The following FRMPD3 variants were observed in gnomAD, a reference collection of about 807,000 sequenced individuals.
The protein encoded by FRMPD3 is FERM and PDZ domain-containing protein 3.
FRMPD3 carries 42 observed loss-of-function variants against 97.9 expected under a neutral mutation model. The observed-to-expected ratio is 0.43, with a 90% CI of 0.34 to 0.55. The LOEUF is 0.55. Ranked by LOEUF, FRMPD3 falls within the 20% of genes least tolerant of loss-of-function variation. The pLI is 0.03. For missense variants in FRMPD3, 1,303 were observed against 1,457.7 expected, an observed-to-expected ratio of 0.89 and a Z score of 1.73; for synonymous variants, 577 against 581.1, an observed-to-expected ratio of 0.99 and a Z score of 0.10.
chrX:107,533,501 G>A lies in FRMPD3; in HGVS notation c.252-4G>A, dbSNP rs1414647993. The A allele has an allele frequency of 1.7e-6, 2 of 1,206,280 alleles. No individual in the cohort carries two copies. Among genetic ancestry groups the A allele is most frequent in the East Asian group, 3.0e-5 (1 of 33,808 alleles). On this transcript the variant is annotated splice_region_variant and splice_polypyrimidine_tract_variant and intron_variant, in intron 3 of 14. Coordinates refer to ENST00000683843, the MANE Select transcript of FRMPD3 (RefSeq NM_001388459.1). ...TACTCTCCTATTCCCTCTTTTCTCTGTAGGAGCGCTAAGGAATTCATCGTT... is the reference window on the plus strand; with the variant it reads ...TACTCTCCTATTCCCTCTTTTCTCTATAGGAGCGCTAAGGAATTCATCGTT...
intron 12 of FRMPD3, among the ~76,000 whole-genome samples, chrX:107,575,254 T>C (rs1255233044): frequency 8.9e-6 from 1 of 111,936 alleles, no homozygotes; most frequent in Non-Finnish European, 1.9e-5. Flanking sequence ...AAACTTAGAA[T>C]ATTAAAGCCT....
chrX:107,477,106 G>A (rs971348864), intron 1 of FRMPD3, among the ~76,000 whole-genome samples: 1 of 112,824 alleles, frequency 8.9e-6, no homozygotes, highest in African/African-American at 3.2e-5. Context: ...CAGCCAGAGG[G>A]CATCTAGCTA....
chrX:107,456,397 A>AC (rs1569408066), intron 1 of FRMPD3, among the ~76,000 whole-genome samples: 1 of 111,435 alleles, frequency 9.0e-6, no homozygotes. Flanking sequence ...TAGTATAGTA[A>AC]CCCCCACATA....
chrX:107,599,304 A>T (rs1422269156), intron 14 of FRMPD3, among the ~76,000 whole-genome samples: 1 of 111,473 alleles, frequency 9.0e-6, no homozygotes, highest in Admixed American at 9.5e-5. Context: ...GAGAAGAGGT[A>T]AATGACACAG....
At chrX:107,596,688 A>G (rs1953303619) in intron 13 of FRMPD3, among the ~76,000 whole-genome samples, 1 of 112,075 alleles carries the variant, frequency 8.9e-6, no homozygotes, top group South Asian at 3.7e-4. Flanking sequence ...ACATCCCAGC[A>G]TATCTCCCAT....
Position 107,597,308 on chromosome X carries a change from T to C in FRMPD3, c.1442-13T>C. On this transcript the variant is annotated splice_polypyrimidine_tract_variant and intron_variant, in intron 13 of 14. Transcript: ENST00000683843. ...CACCAGGGCTCATCTGTTGATTCTC[T>C]TTCTGGGTTTAGATTACATGCACAG... 1 of 1,177,750 alleles carries C rather than the reference T, an allele frequency of 8.5e-7. No homozygotes were observed. The highest frequency in any genetic ancestry group is 1.1e-6 in the Non-Finnish European group (1 of 877,361).
At chrX:107,599,592 C>A in intron 14 of FRMPD3, among the ~76,000 whole-genome samples, 1 of 112,090 alleles carries the variant, frequency 8.9e-6, no homozygotes, top group South Asian at 3.8e-4. Flanking sequence ...TAGAGAGAGA[C>A]CTCTCTTTGC....
At chrX:107,593,225 A>C (rs1487220813) in intron 13 of FRMPD3, among the ~76,000 whole-genome samples, 2 of 105,875 alleles carry the variant, frequency 1.9e-5, no homozygotes, top group African/African-American at 6.9e-5. Flanking sequence ...TCCTTAGCCA[A>C]CTTCTTGGTG....
intron 1 of FRMPD3, among the ~76,000 whole-genome samples, chrX:107,472,298 A>C (rs773937881): frequency 5.9e-4 from 66 of 111,598 alleles, no homozygotes; most frequent in African/African-American, 2.1e-3. Context: ...GTTTAGTTTA[A>C]TTAGATCTCA....
chrX:107,551,636 G>A (rs1921867038), intron 6 of FRMPD3, among the ~76,000 whole-genome samples: 1 of 112,192 alleles, frequency 8.9e-6, no homozygotes, highest in Admixed American at 9.4e-5. Context: ...ACTTATTGGA[G>A]CTTTGACAGG....
chrX:107,590,316 G>T, intron 13 of FRMPD3, among the ~76,000 whole-genome samples: 1 of 109,032 alleles, frequency 9.2e-6, no homozygotes, highest in Non-Finnish European at 1.9e-5. Flanking sequence ...GGATAGAAGT[G>T]GTGAGAACAT....
chrX:107,484,870 C>T (rs1921463766), intron 1 of FRMPD3, among the ~76,000 whole-genome samples: 1 of 112,345 alleles, frequency 8.9e-6, no homozygotes, highest in Admixed American at 9.4e-5. Flanking sequence ...AGAATAGAAG[C>T]TGCTCGTTTT....
intron 1 of FRMPD3, among the ~76,000 whole-genome samples, chrX:107,471,953 C>G (rs949192875): frequency 1.8e-5 from 2 of 112,229 alleles, no homozygotes; most frequent in Non-Finnish European, 3.8e-5. Context: ...CACAGCCTTG[C>G]CAGCATCTAT....
intron 4 of FRMPD3, among the ~76,000 whole-genome samples, chrX:107,541,511 C>T (rs1204791321): frequency 8.9e-6 from 1 of 112,410 alleles, no homozygotes; most frequent in Non-Finnish European, 1.9e-5. Flanking sequence ...GAAACAGACA[C>T]CTGGAAATGA....
intron 1 of FRMPD3, among the ~76,000 whole-genome samples, chrX:107,472,418 A>C (rs995759044): frequency 2.7e-5 from 3 of 110,704 alleles, no homozygotes; most frequent in African/African-American, 9.9e-5. Context: ...TACGGTTTTT[A>C]TGATTTAGGG....
intron 13 of FRMPD3, among the ~76,000 whole-genome samples, chrX:107,594,594 A>G (rs182139977): frequency 8.9e-6 from 1 of 112,398 alleles, no homozygotes; most frequent in African/African-American, 3.2e-5. Flanking sequence ...TTTAAGAACT[A>G]TTTTAGGCCG....
rs1252868934 is a variant in FRMPD3, at chrX:107,565,765, T to C, written c.1296+699T>C. On this transcript the variant is annotated intron_variant, in intron 12 of 14. Transcript: ENST00000683843. ...AAGAAAAAAGAAAAAAAAATTATAT[T>C]CATGTGGAACACTGGGGTAAATGTA... Among the ~76,000 whole-genome samples, 3 of 111,385 alleles carry C rather than the reference T, an allele frequency of 2.7e-5. No homozygotes were observed. In the South Asian group the frequency reaches 1.1e-3, roughly 42 times the overall value.
At chrX:107,586,508 T>C (rs1345778485) in intron 13 of FRMPD3, among the ~76,000 whole-genome samples, 1 of 110,829 alleles carries the variant, frequency 9.0e-6, no homozygotes, top group Non-Finnish European at 1.9e-5. Context: ...AGTTTGCTCT[T>C]GCCTCTCTAG....
intron 13 of FRMPD3, 23 bp from the exon 14 acceptor site, chrX:107,597,298 G>C: frequency 8.6e-7 from 1 of 1,163,232 alleles, no homozygotes; most frequent in Non-Finnish European, 1.2e-6. Flanking sequence ...GGGCTCATCT[G>C]TTGATTCTCT....
Sources: gnomAD v4.1 joint callset for allele counts (sites outside exome capture counted in the v4.1 genomes callset) on GRCh38, gnomAD v4.1.1 for gene constraint, MANE v1.5 for transcripts, NCBI Gene and HGNC (gene_info 2026-07-23, HGNC 2026-07-21) for gene names.